Variants in SSB observed in about 807,000 individuals in gnomAD.
SSB encodes small RNA binding exonuclease protection factor La.
A neutral mutation model predicts 52.9 loss-of-function variants in SSB; 17 were observed. The ratio of observed to expected loss-of-function variants is 0.32; its 90% confidence interval spans 0.22 to 0.48. SSB has a LOEUF of 0.48. Among genes scored for constraint, SSB ranks in the 20% least tolerant of loss-of-function variants. SSB has a pLI of 0.99. For missense variants in SSB, 314 were observed against 463.6 expected, an observed-to-expected ratio of 0.68 and a Z score of 2.96; for synonymous variants, 111 against 152.1, an observed-to-expected ratio of 0.73 and a Z score of 1.99.
rs1689884280 is a variant in SSB, at chr2:169,808,865, A to G, written c.632A>G (p.Gln211Arg). ...VEAKLRAKQE[Q>R]EAKQKLEEDA... ...AATTATATTTTTATTTGTAGGGAGC[A>G]AGAAGCAAAACAAAAGTTAGAAGAA... Residue 211 changes from glutamine to arginine, a missense_variant, in exon 8 of 12, where the codon CAA becomes CGA. By Grantham distance (43) the Gln-to-Arg change is conservative. Coordinates refer to ENST00000260956, the MANE Select transcript of SSB (RefSeq NM_003142.5). 1 of 1,593,338 alleles carries G rather than the reference A, an allele frequency of 6.3e-7. No homozygotes were observed. The highest frequency in any genetic ancestry group is 1.7e-5 in the Admixed American group (1 of 59,934).
At position 169,805,849 on chromosome 2, in the gene SSB, C is replaced by T; in HGVS notation, c.345+10C>T. ...CAGATCTGTTTATATTGTAAGTGGGCCTGTAATGCATTTAAATATCTTACA... is the reference window on the plus strand; with the variant it reads ...CAGATCTGTTTATATTGTAAGTGGGTCTGTAATGCATTTAAATATCTTACA... On this transcript the variant is annotated intron_variant, in intron 4 of 11. Coordinates refer to ENST00000260956, the MANE Select transcript of SSB (RefSeq NM_003142.5). 2 of 1,605,102 alleles carry T rather than the reference C, an allele frequency of 1.2e-6. No homozygotes were observed. Among genetic ancestry groups the T allele is most frequent in the South Asian group, 1.1e-5 (1 of 89,880 alleles).
rs879196529 is a variant in SSB, at chr2:169,805,831, G to A, written c.337G>A (p.Val113Ile). ...TAAAAATGATGTAAAAAACAGATCT[G>A]TTTATATTGTAAGTGGGCCTGTAAT... ...EYKNDVKNRS[V>I]YIKGFPTDAT... The change falls in exon 4 of 12, where the codon GTT becomes ATT. Residue 113 changes from valine to isoleucine, a missense_variant. Transcript: ENST00000260956. 6 of 1,612,538 alleles carry A rather than the reference G, an allele frequency of 3.7e-6. No homozygotes were observed. The highest frequency in any genetic ancestry group is 5.1e-6 in the Non-Finnish European group (6 of 1,179,468).
intron 9 of SSB, 27 bp from the exon 10 acceptor site, chr2:169,810,831 G>T: frequency 4.5e-6 from 7 of 1,570,726 alleles, no homozygotes; most frequent in Non-Finnish European, 6.0e-6. Context: ...CCAAGGGTAT[G>T]GCTTTTGTTT....
At chr2:169,808,638 C>A in intron 7 of SSB, 85 bp downstream of exon 7, 1 of 1,275,928 alleles carries the variant, frequency 7.8e-7, no homozygotes, top group Admixed American at 1.9e-5. Flanking sequence ...GAAATAGTGG[C>A]AGTAGACCTT....
intron 2 of SSB, among the ~76,000 whole-genome samples, chr2:169,804,917 C>A (rs747032234): frequency 1.3e-5 from 2 of 152,048 alleles, no homozygotes; most frequent in South Asian, 4.1e-4. Context: ...GTGGGCAGAT[C>A]GCTTGAGATC....
chr2:169,811,537 A>G, intron 11 of SSB, 131 bp from the exon 12 acceptor site: 1 of 1,366,148 alleles, frequency 7.3e-7, no homozygotes, highest in Non-Finnish European at 9.8e-7. Context: ...ACTAAGAGAA[A>G]AGCCTTTTCT....
intron 2 of SSB, 52 bp from the exon 3 acceptor site, chr2:169,805,422 A>G: frequency 7.5e-7 from 1 of 1,337,318 alleles, no homozygotes. Context: ...TAATGTCAGG[A>G]TTGGAGTCCA....
intron 8 of SSB, among the ~76,000 whole-genome samples, chr2:169,809,171 C>T (rs184448555): frequency 2.9e-4 from 44 of 152,214 alleles, no homozygotes; most frequent in African/African-American, 1.0e-3. Context: ...AGTTGAGGCA[C>T]GGAGTTCGAG....
intron 8 of SSB, 81 bp from the exon 9 acceptor site, chr2:169,810,201 TA>T: frequency 9.9e-7 from 1 of 1,012,216 alleles, no homozygotes; most frequent in Non-Finnish European, 1.4e-6. Flanking sequence ...CTTTTTCTTG[TA>T]TAGCTATAAG....
Position 169,807,026 on chromosome 2 carries a change from C to T in SSB, c.509C>T (p.Thr170Ile). The change falls in exon 6 of 12, where the codon ACC becomes ATC. Residue 170 changes from threonine (T) to isoleucine (I), a missense_variant. Thr to Ile is a moderately conservative substitution (Grantham distance 89). Transcript: ENST00000260956. The part of the protein sequence containing the change: ...SIESAKKFVE[T>I]PGQKYKETDL... ...GAATCTGCTAAGAAATTTGTAGAGA[C>T]CCCTGGCCAGAAGTACAAAGAAACA... 6.2e-7 allele frequency: 1 copy of T among 1,613,912 alleles called. No homozygotes were observed. The highest frequency in any genetic ancestry group is 8.5e-7 in the Non-Finnish European group (1 of 1,179,938).
rs146485470 is a variant in SSB, at chr2:169,800,995, C to T, written c.35C>T (p.Ala12Val). The T allele has an allele frequency of 2.6e-4, 413 of 1,597,006 alleles. No homozygotes were observed. Among genetic ancestry groups the T allele is most frequent in the Non-Finnish European group, 3.2e-4 (378 of 1,173,232 alleles). The change falls in exon 2 of 12, where the codon GCC becomes GTC. Residue 12 changes from alanine to valine, a missense_variant. Physicochemically the swap from Ala to Val is moderately conservative, Grantham distance 64. Coordinates refer to ENST00000260956, the MANE Select transcript of SSB (RefSeq NM_003142.5). ...AENGDNEKMA[A>V]LEAKICHQIE... ...AATGGTGATAATGAAAAGATGGCTGCCCTGGAGGCCAAAATCTGTCATCAA... is the reference window on the plus strand; with the variant it reads ...AATGGTGATAATGAAAAGATGGCTGTCCTGGAGGCCAAAATCTGTCATCAA...
intron 1 of SSB, chr2:169,799,400 C>T (rs1331084317): frequency 1.3e-5 from 2 of 151,156 alleles, no homozygotes; most frequent in East Asian, 3.9e-4. Flanking sequence ...TCTGTGGAGC[C>T]TATGGGACTG....
chr2:169,811,781 T>C lies in SSB; in HGVS notation c.*25T>C. ...GTTTAGTAAACCAATTTTTTATTCA[T>C]TTTAAATAGGTTTTAAACGACTTTT... On this transcript the variant is annotated 3_prime_UTR_variant, in exon 12 of 12. Coordinates refer to ENST00000260956, the MANE Select transcript of SSB (RefSeq NM_003142.5). 6.2e-7 allele frequency: 1 copy of C among 1,613,420 alleles called. No homozygotes were observed. Among genetic ancestry groups the C allele is most frequent in the Admixed American group, 1.7e-5 (1 of 59,910 alleles).
chr2:169,803,101 G>C (rs1689745308), intron 2 of SSB, among the ~76,000 whole-genome samples: 1 of 152,164 alleles, frequency 6.6e-6, no homozygotes, highest in South Asian at 2.1e-4. Flanking sequence ...TGAATGGCTA[G>C]TTCTCTGTGT....
chr2:169,810,012 G>C (rs1020922658), intron 8 of SSB: 2 of 204,166 alleles, frequency 9.8e-6, no homozygotes, highest in African/African-American at 4.6e-5. Flanking sequence ...TTAAATACCA[G>C]TTGTATAAGA....
At chr2:169,809,111 T>C in intron 8 of SSB, 1 of 555,322 alleles carries the variant, frequency 1.8e-6, no homozygotes, top group Non-Finnish European at 3.4e-6. Context: ...CCGGGTGCAG[T>C]GGCCCACGCC....
intron 2 of SSB, among the ~76,000 whole-genome samples, chr2:169,801,753 C>T (rs1434691819): frequency 2.6e-5 from 4 of 151,978 alleles, no homozygotes; most frequent in Non-Finnish European, 4.4e-5. Context: ...AGGCTGGTCT[C>T]GAACTCCAGA....
At chr2:169,799,486 C>T (rs775359138) in intron 1 of SSB, 2 of 151,986 alleles carry the variant, frequency 1.3e-5, no homozygotes. Flanking sequence ...CTTCATCGCT[C>T]ACATCAGGTT....
At chr2:169,807,746 T>TA (rs1202185979) in intron 6 of SSB, among the ~76,000 whole-genome samples, 1 of 136,224 alleles carries the variant, frequency 7.3e-6, no homozygotes, top group African/African-American at 2.7e-5. Context: ...TCTTTTTTTT[T>TA]TTTTTTTTTT....
Sources: gnomAD v4.1 joint callset for allele counts (sites outside exome capture counted in the v4.1 genomes callset) on GRCh38, gnomAD v4.1.1 for gene constraint, MANE v1.5 for transcripts, NCBI Gene and HGNC (gene_info 2026-07-23, HGNC 2026-07-21) for gene names.